The following EXOC5 variants were observed in gnomAD, a reference collection of about 807,000 sequenced individuals.
EXOC5 encodes the protein exocyst complex component 5.
A neutral mutation model predicts 90.8 loss-of-function variants in EXOC5; 17 were observed. The ratio of observed to expected loss-of-function variants is 0.19; its 90% CI spans 0.13 to 0.28. The LOEUF (loss-of-function observed/expected upper bound fraction) is 0.28, where lower values mean the gene tolerates loss of function less well. Ranked by LOEUF, EXOC5 falls within the 10% of genes least tolerant of loss-of-function variation. The pLI, the probability that EXOC5 is intolerant of heterozygous loss-of-function variation, is 1.00. For synonymous variants in EXOC5, 260 were observed against 270.0 expected (o/e 0.96, Z 0.36); for missense variants, 569 against 830.6 (o/e 0.69, Z 3.87).
intron 1 of EXOC5, among the ~76,000 whole-genome samples, chr14:57,256,852 G>C (rs1280854415): frequency 6.6e-6 from 1 of 152,186 alleles, no homozygotes; most frequent in Non-Finnish European, 1.5e-5. Context: ...TTTAGTTTCA[G>C]ACCTCCCCAC....
At position 57,219,305 on chromosome 14, in the gene EXOC5, C is replaced by A; in HGVS notation, c.1526+17G>T. 2 of 1,419,640 alleles carry A rather than the reference C, an allele frequency of 1.4e-6. No homozygotes were observed. Among genetic ancestry groups the A allele is most frequent in the South Asian group, 2.9e-5 (2 of 69,344 alleles). The allele number at this position is 1,419,640 out of a possible 1,614,324, so 87.9% of individuals were successfully genotyped here. ...TAGTCACTGAAATATCAATGAAAAT[C>A]AGATAATTTGACTAACCTTATTAGT... On this transcript the variant is annotated intron_variant, in intron 14 of 17. Coordinates refer to ENST00000621441, the MANE Select transcript of EXOC5 (RefSeq NM_006544.4).
chr14:57,214,082 G>T (rs772740950), intron 15 of EXOC5, among the ~76,000 whole-genome samples: 2 of 152,162 alleles, frequency 1.3e-5, no homozygotes, highest in African/African-American at 4.8e-5. Flanking sequence ...TTATACCACA[G>T]AGCACAGAAT....
intron 15 of EXOC5, among the ~76,000 whole-genome samples, chr14:57,212,016 C>A (rs1374053385): frequency 6.6e-6 from 1 of 152,138 alleles, no homozygotes; most frequent in Non-Finnish European, 1.5e-5. Flanking sequence ...CATGCCAGAA[C>A]ACCTGTCTAA....
chr14:57,245,507 ATTAGC>A (rs1270768513), intron 3 of EXOC5, among the ~76,000 whole-genome samples: 2 of 152,224 alleles, frequency 1.3e-5, no homozygotes, highest in African/African-American at 4.8e-5. Flanking sequence ...CCCAGAGTTT[ATTAGC>A]TTAACTATTA....
intron 12 of EXOC5, among the ~76,000 whole-genome samples, chr14:57,223,463 C>G (rs910406649): frequency 6.6e-6 from 1 of 151,988 alleles, no homozygotes; most frequent in Non-Finnish European, 1.5e-5. Flanking sequence ...ATTATAAATA[C>G]TGATTTGGTA....
rs1003059677 is a variant in EXOC5, at chr14:57,202,134, A to C, written c.*6475T>G. The C allele has an allele frequency of 1.3e-5, 2 of 152,106 alleles. No individual in the cohort carries two copies. Among genetic ancestry groups the C allele is most frequent in the African/African-American group, 4.8e-5 (2 of 41,426 alleles). The allele number at this position is 152,106 out of a possible 1,614,324, so 9.4% of individuals were successfully genotyped here. A position where few individuals can be genotyped will look rare whatever the true frequency, so the allele number is the denominator to read the frequency against. On this transcript the variant is annotated 3_prime_UTR_variant, in exon 18 of 18. Coordinates refer to ENST00000621441, the MANE Select transcript of EXOC5 (RefSeq NM_006544.4). ...CTGCCAAAAAGCACAAACAGAATCT[A>C]ATTACGTGGAAACAGAAATCCAAAT...
chr14:57,268,084 C>G (rs1884743848), intron 1 of EXOC5, among the ~76,000 whole-genome samples: 1 of 151,924 alleles, frequency 6.6e-6, no homozygotes, highest in African/African-American at 2.4e-5. Context: ...AAAAATTGTC[C>G]CAGCCTTTTC....
chr14:57,227,313 A>G (rs1050665920), intron 12 of EXOC5, among the ~76,000 whole-genome samples: 1 of 152,198 alleles, frequency 6.6e-6, no homozygotes, highest in Non-Finnish European at 1.5e-5. Flanking sequence ...CAGTCATATC[A>G]ATACTAAGTA....
chr14:57,217,529 A>C (rs1883009724), intron 15 of EXOC5, among the ~76,000 whole-genome samples: 1 of 152,154 alleles, frequency 6.6e-6, no homozygotes, highest in Non-Finnish European at 1.5e-5. Context: ...TACCATACCC[A>C]TATAAGACAG....
At position 57,231,731 on chromosome 14, in the gene EXOC5, G is replaced by C. The variant is rs1487075885; in HGVS notation, c.939-16C>G. Reference sequence around the variant, plus strand: ...ATTGGTGGTTCTTTTCATGAAAAAGGGGGAGAAAAAGATTAATATACATTT... The same window carrying C: ...ATTGGTGGTTCTTTTCATGAAAAAGCGGGAGAAAAAGATTAATATACATTT... On this transcript the variant is annotated splice_polypyrimidine_tract_variant and intron_variant, in intron 10 of 17. Transcript: ENST00000621441. 2.0e-6 allele frequency: 3 copies of C among 1,535,226 alleles called. No homozygotes were observed. The highest frequency in any genetic ancestry group is 2.7e-6 in the Non-Finnish European group (3 of 1,124,340).
At chr14:57,261,908 G>T (rs954805606) in intron 1 of EXOC5, among the ~76,000 whole-genome samples, 4 of 152,130 alleles carry the variant, frequency 2.6e-5, no homozygotes, top group Admixed American at 2.0e-4. Context: ...ATAGTCATAG[G>T]CCTGTACAGA....
Position 57,204,877 on chromosome 14 carries a change from A to C in EXOC5, c.*3732T>G, listed in dbSNP as rs1882603750. On this transcript the variant is annotated 3_prime_UTR_variant, in exon 18 of 18. Coordinates refer to ENST00000621441, the MANE Select transcript of EXOC5 (RefSeq NM_006544.4). ...TTGTAATATAAATACTACAATAAGA[A>C]TCATATTGGAAGCAACGATTAAGCA... The C allele has an allele frequency of 6.6e-6, 1 of 152,348 alleles. No homozygotes were observed. Among genetic ancestry groups the C allele is most frequent in the African/African-American group, 2.4e-5 (1 of 41,436 alleles). 9.4% of individuals were successfully genotyped at this position (152,348 alleles called of 1,614,324 possible).
chr14:57,230,597 T>C (rs1029736142), intron 11 of EXOC5, among the ~76,000 whole-genome samples: 3 of 152,224 alleles, frequency 2.0e-5, no homozygotes, highest in Admixed American at 6.5e-5. Flanking sequence ...GGTTTCGATA[T>C]ATACATGTGG....
At chr14:57,242,488 C>T (rs1883899495) in intron 4 of EXOC5, among the ~76,000 whole-genome samples, 1 of 151,992 alleles carries the variant, frequency 6.6e-6, no homozygotes, top group Non-Finnish European at 1.5e-5. Flanking sequence ...AAGCAATCAT[C>T]CTGCCTTGGC....
At chr14:57,246,437 C>T (rs754631441) in intron 3 of EXOC5, among the ~76,000 whole-genome samples, 19 of 152,176 alleles carry the variant, frequency 1.2e-4, no homozygotes, top group Non-Finnish European at 2.1e-4. Context: ...CTTCAAAGTT[C>T]GCATTGTTAG....
intron 14 of EXOC5, among the ~76,000 whole-genome samples, chr14:57,219,053 G>C (rs1883052343): frequency 6.6e-6 from 1 of 151,910 alleles, no homozygotes; most frequent in South Asian, 2.1e-4. Context: ...TTTCACATGA[G>C]ATTTCAGTTT....
intron 10 of EXOC5, chr14:57,232,150 G>A (rs1392738064): frequency 6.4e-6 from 1 of 155,930 alleles, no homozygotes; most frequent in Non-Finnish European, 1.4e-5. Context: ...TCATAACAGT[G>A]TTGTTGTTGA....
chr14:57,242,864 G>A (rs1015734214), intron 4 of EXOC5, among the ~76,000 whole-genome samples: 4 of 152,100 alleles, frequency 2.6e-5, no homozygotes, highest in African/African-American at 7.2e-5. Context: ...ATCAACCAAC[G>A]AGCAGATAAA....
intron 5 of EXOC5, among the ~76,000 whole-genome samples, chr14:57,238,242 AC>A (rs1883730778): frequency 1.3e-5 from 2 of 149,738 alleles, no homozygotes; most frequent in African/African-American, 2.4e-5. Context: ...ACACACACAC[AC>A]ACACACACAC....
Sources: allele counts gnomAD v4.1 joint callset (sites outside exome capture counted in the v4.1 genomes callset), GRCh38; gene constraint gnomAD v4.1.1; transcripts MANE v1.5; gene names NCBI Gene and HGNC (gene_info 2026-07-23, HGNC 2026-07-21).